The following MAST4 variants were observed in gnomAD, a reference collection of about 807,000 sequenced individuals.
MAST4 encodes the protein microtubule-associated serine/threonine-protein kinase 4.
Under a neutral mutation model 162.7 loss-of-function variants are expected in MAST4, and 89 were observed. The ratio of observed to expected loss-of-function variants is 0.55; its 90% CI spans 0.46 to 0.65. The LOEUF (loss-of-function observed/expected upper bound fraction) is 0.65, where lower values mean the gene tolerates loss of function less well. Among genes scored for constraint, MAST4 ranks in the 30% least tolerant of loss-of-function variants. The pLI is 0.00. For synonymous variants in MAST4, 1,479 were observed against 1,361.1 expected (o/e 1.09, Z -1.91); for missense variants, 3,153 against 3,374.0 (o/e 0.93, Z 1.62).
chr5:66,870,701 C>A, intron 3 of MAST4: 1 of 456,976 alleles, frequency 2.2e-6, no homozygotes, highest in South Asian at 1.6e-5. Flanking sequence ...CCTTTTCTGA[C>A]CATTTCTCCA....
intron 3 of MAST4, among the ~76,000 whole-genome samples, chr5:66,848,300 A>G (rs1430555405): frequency 6.6e-6 from 1 of 152,070 alleles, no homozygotes; most frequent in African/African-American, 2.4e-5. Flanking sequence ...TAATTTGTTT[A>G]TGATGTTAGA....
At chr5:66,750,921 G>T (rs1753111843) in intron 1 of MAST4, among the ~76,000 whole-genome samples, 1 of 152,216 alleles carries the variant, frequency 6.6e-6, no homozygotes, top group Admixed American at 6.5e-5. Context: ...AGAGAGCAGT[G>T]GTTCTCCCAG....
At chr5:66,609,705 G>GTTTTT (rs77135146) in intron 1 of MAST4, among the ~76,000 whole-genome samples, 2 of 106,744 alleles carry the variant, frequency 1.9e-5, no homozygotes, top group Non-Finnish European at 4.3e-5. Context: ...TTTTTTTTTT[G>GTTTTT]TTTTTTTTTT....
At position 66,870,624 on chromosome 5, in the gene MAST4, G is replaced by T. The variant is rs138155545; in HGVS notation, c.643-29327G>T. Among the ~76,000 whole-genome samples, 6 of 152,236 alleles carry T rather than the reference G, an allele frequency of 3.9e-5. No homozygotes were observed. In the East Asian group the frequency reaches 1.2e-3, roughly 29 times the overall value. On this transcript the variant is annotated intron_variant, in intron 3 of 28. Transcript: ENST00000403625. ...CATGTGCTTTTGTGGGGGAGAACGT[G>T]TCTTGTGTTTTTGTTATTGATGTTT...
chr5:67,056,850 C>T (rs1459396900), intron 5 of MAST4, among the ~76,000 whole-genome samples: 1 of 151,602 alleles, frequency 6.6e-6, no homozygotes, highest in African/African-American at 2.4e-5. Flanking sequence ...GCCATGCCAC[C>T]ATGCCCAGCT....
In MAST4 at chr5:67,049,041, ACG is replaced by A. The variant is rs1491150630; in HGVS notation, c.675-5362_675-5361del. The stretch of plus-strand genomic sequence containing the variant: ...TATATACGTATATATATATATATAT[ACG>A]TGTATATATATATATACGTATATAT... On this transcript the variant is annotated intron_variant, in intron 4 of 28. Transcript: ENST00000403625. Among the ~76,000 whole-genome samples, 490 of 78,300 alleles carry A rather than the reference ACG, an allele frequency of 6.3e-3. 6 individuals are homozygous for A. Among genetic ancestry groups the A allele is most frequent in the Non-Finnish European group, 0.01 (398 of 38,118 alleles). 51.4% of individuals were successfully genotyped at this position (78,300 alleles called of 152,430 possible). A position where few individuals can be genotyped will look rare whatever the true frequency, so the allele number is the denominator to read the frequency against.
chr5:67,120,951 AT>A, intron 13 of MAST4, 65 bp from the exon 14 acceptor site: 3 of 1,135,314 alleles, frequency 2.6e-6, no homozygotes, highest in Non-Finnish European at 3.9e-6. Flanking sequence ...AATATTATCT[AT>A]TTTGCTGATA....
chr5:66,993,234 T>A (rs1750244358), intron 4 of MAST4, among the ~76,000 whole-genome samples: 1 of 152,194 alleles, frequency 6.6e-6, no homozygotes, highest in Non-Finnish European at 1.5e-5. Context: ...GCAACCTGAT[T>A]TTGGAAGCAT....
intron 2 of MAST4, among the ~76,000 whole-genome samples, chr5:66,768,074 A>G (rs1754183995): frequency 6.6e-6 from 1 of 152,214 alleles, no homozygotes; most frequent in African/African-American, 2.4e-5. Context: ...GGATAAGACA[A>G]AATAGTCATT....
At chr5:66,678,992 A>G (rs1190220319) in intron 1 of MAST4, among the ~76,000 whole-genome samples, 1 of 152,176 alleles carries the variant, frequency 6.6e-6, no homozygotes, top group East Asian at 1.9e-4. Flanking sequence ...GAGTTTTGCC[A>G]TGTTGGCCAG....
At chr5:66,842,823 G>GT (rs1030112666) in intron 3 of MAST4, among the ~76,000 whole-genome samples, 30 of 152,050 alleles carry the variant, frequency 2.0e-4, no homozygotes, top group African/African-American at 6.0e-4. Flanking sequence ...TCAGTTCTTT[G>GT]TTTTTTTCTG....
chr5:67,021,404 G>A (rs1284905740), intron 4 of MAST4, among the ~76,000 whole-genome samples: 4 of 152,116 alleles, frequency 2.6e-5, no homozygotes, highest in Non-Finnish European at 4.4e-5. Context: ...ATATTGCAAG[G>A]TGAGTCCAGT....
chr5:66,927,913 T>C (rs1184858391), intron 4 of MAST4, among the ~76,000 whole-genome samples: 2 of 152,210 alleles, frequency 1.3e-5, no homozygotes, highest in African/African-American at 2.4e-5. Context: ...TGGTGGTTTG[T>C]GGGCAATCTT....
chr5:66,725,511 G>A (rs1580301754), intron 1 of MAST4, among the ~76,000 whole-genome samples: 1 of 151,720 alleles, frequency 6.6e-6, no homozygotes, highest in African/African-American at 2.4e-5. Flanking sequence ...TAAAAGCCCT[G>A]TCCTTTGTAC....
intron 10 of MAST4, among the ~76,000 whole-genome samples, chr5:67,106,479 A>G (rs1338958166): frequency 6.6e-6 from 1 of 152,072 alleles, no homozygotes; most frequent in Non-Finnish European, 1.5e-5. Context: ...CTCTCCCTTC[A>G]TCAAGCAACC....
rs150501110 is a variant in MAST4, at chr5:66,954,500, T to C, written c.674+54518T>C. On this transcript the variant is annotated intron_variant, in intron 4 of 28. Transcript: ENST00000403625. The stretch of plus-strand genomic sequence containing the variant: ...ATGTGGGCTGCTCTTGGCACTGGGA[T>C]TAAACAGCTATAAACAACACACAAC... Among the ~76,000 whole-genome samples, 890 of 152,242 alleles carry C rather than the reference T, an allele frequency of 5.8e-3. 9 individuals carry two copies. Among genetic ancestry groups the C allele is most frequent in the African/African-American group, 0.021 (859 of 41,540 alleles).
chr5:67,033,721 G>C (rs1755670859), intron 4 of MAST4, among the ~76,000 whole-genome samples: 1 of 152,050 alleles, frequency 6.6e-6, no homozygotes, highest in African/African-American at 2.4e-5. Flanking sequence ...GGTTTTGTTT[G>C]TTTGTTTGTT....
intron 1 of MAST4, among the ~76,000 whole-genome samples, chr5:66,713,315 A>T (rs534337707): frequency 1.3e-5 from 2 of 152,290 alleles, no homozygotes; most frequent in South Asian, 4.1e-4. Flanking sequence ...TAATCTGCTG[A>T]TGGTGATCTG....
chr5:66,721,854 G>T (rs1390460188), intron 1 of MAST4, among the ~76,000 whole-genome samples: 1 of 151,626 alleles, frequency 6.6e-6, no homozygotes, highest in African/African-American at 2.4e-5. Context: ...AGTTGCTGAG[G>T]CTATATTGAA....
Sources: gnomAD v4.1 joint callset for allele counts (sites outside exome capture counted in the v4.1 genomes callset) on GRCh38, gnomAD v4.1.1 for gene constraint, MANE v1.5 for transcripts, NCBI Gene and HGNC (gene_info 2026-07-23, HGNC 2026-07-21) for gene names.